Variants in KCNT1 observed in about 807,000 individuals in gnomAD.
The protein encoded by KCNT1 is potassium channel subfamily T member 1.
In KCNT1, 78 loss-of-function variants were observed where a neutral mutation model predicts 147.8. The ratio of observed to expected loss-of-function variants is 0.53; its 90% CI spans 0.44 to 0.64. The LOEUF (loss-of-function observed/expected upper bound fraction) is 0.64, where lower values mean the gene tolerates loss of function less well. Ranked by LOEUF, KCNT1 falls within the 30% of genes least tolerant of loss-of-function variation. The probability of loss-of-function intolerance (pLI) is 0.00; values close to 1 mark genes in which losing one functional copy is unlikely to be tolerated. For missense variants in KCNT1, 1,419 were observed against 1,750.3 expected, an observed-to-expected ratio of 0.81 and a Z score of 3.38; for synonymous variants, 867 against 748.8, an observed-to-expected ratio of 1.16 and a Z score of -2.58.
intron 9 of KCNT1, among the ~76,000 whole-genome samples, chr9:135,758,035 G>A (rs546417274): frequency 6.8e-6 from 1 of 148,074 alleles, no homozygotes; most frequent in South Asian, 2.3e-4. Context: ...AGCAGAGGGG[G>A]TGCCCTACCC....
At chr9:135,778,401 C>G in intron 21 of KCNT1, 23 bp from the exon 22 acceptor site, 1 of 1,549,224 alleles carries the variant, frequency 6.5e-7, no homozygotes, top group Non-Finnish European at 8.7e-7. Context: ...GGGTGGGCCC[C>G]TCCAGGACCG....
chr9:135,756,935 G>T lies in KCNT1; in HGVS notation c.600+3G>T. ...TTCTCATCTACCTCAGCTACAAAGT[G>T]AGTGCCTGCCCGGGATGGCACCTCA... is the stretch of plus-strand genomic sequence containing the variant. On this transcript the variant is annotated splice_donor_region_variant and intron_variant, in intron 7 of 30. Transcript: ENST00000371757. 6.2e-7 allele frequency: 1 copy of T among 1,612,312 alleles called. No homozygotes were observed.
At position 135,731,363 on chromosome 9, in the gene KCNT1, T is replaced by C. The variant is rs554293059; in HGVS notation, c.254+16643T>C. Among the ~76,000 whole-genome samples the C allele has an allele frequency of 2.0e-5, 3 of 152,336 alleles. No homozygotes were observed. The East Asian group carries it at 5.8e-4, about 29-fold the overall frequency. On this transcript the variant is annotated intron_variant, in intron 2 of 30. Transcript: ENST00000371757. Reference sequence around the variant, plus strand: ...ACCCACAATGTTACTAATTTTATCATTGTTTTTACTCCACCAAGGTTTAAA... The same window carrying C: ...ACCCACAATGTTACTAATTTTATCACTGTTTTTACTCCACCAAGGTTTAAA...
intron 2 of KCNT1, among the ~76,000 whole-genome samples, chr9:135,715,381 A>G (rs2131331130): frequency 6.6e-6 from 1 of 152,268 alleles, no homozygotes; most frequent in Non-Finnish European, 1.5e-5. Flanking sequence ...TTGGGTAAAC[A>G]CCCAGCACTT....
At chr9:135,727,058 T>C (rs1836205604) in intron 2 of KCNT1, among the ~76,000 whole-genome samples, 1 of 17,522 alleles carries the variant, frequency 5.7e-5, no homozygotes, top group South Asian at 2.9e-3. Context: ...TCTCCCTCTC[T>C]CCCTCTGTTT....
intron 2 of KCNT1, among the ~76,000 whole-genome samples, chr9:135,727,978 G>A (rs1384119876): frequency 5.3e-5 from 8 of 152,226 alleles, no homozygotes; most frequent in East Asian, 1.9e-4. Flanking sequence ...AAAAGAGGGC[G>A]GCAAAGAGGG....
Position 135,753,933 on chromosome 9 carries a change from A to G in KCNT1, c.435-4A>G. 6.2e-7 allele frequency: 1 copy of G among 1,614,034 alleles called. No homozygotes were observed. The highest frequency in any genetic ancestry group is 1.3e-5 in the African/African-American group (1 of 75,030). ...GGCCGGGCCAGCGCTGTGTCTCTCC[A>G]CAGCTGGGGCTGCCCAAAGCAGAAC... is the stretch of plus-strand genomic sequence containing the variant. On this transcript the variant is annotated splice_region_variant and splice_polypyrimidine_tract_variant and intron_variant, in intron 4 of 30. Transcript: ENST00000371757.
At chr9:135,758,582 G>A in intron 10 of KCNT1, 74 bp downstream of exon 10, 1 of 1,178,232 alleles carries the variant, frequency 8.5e-7, no homozygotes, top group Non-Finnish European at 1.3e-6. Context: ...CCGGGCGAGG[G>A]GATACAGATG....
chr9:135,745,288 G>T (rs573473494), intron 2 of KCNT1, among the ~76,000 whole-genome samples: 1 of 152,124 alleles, frequency 6.6e-6, no homozygotes, highest in East Asian at 1.9e-4. Context: ...GGGAGTTCTC[G>T]GTCATCTCCC....
At chr9:135,769,234 T>A (rs1564368597) in intron 15 of KCNT1, among the ~76,000 whole-genome samples, 1 of 122,584 alleles carries the variant, frequency 8.2e-6, no homozygotes, top group East Asian at 2.6e-4. Context: ...TGTGCACGTG[T>A]GTGTCGGTGT....
At chr9:135,731,435 TGTAGCCACCTCA>T (rs1254235854) in intron 2 of KCNT1, among the ~76,000 whole-genome samples, 1 of 152,242 alleles carries the variant, frequency 6.6e-6, no homozygotes, top group Non-Finnish European at 1.5e-5. Flanking sequence ...TCTAACGCTC[TGTAGCCACCTCA>T]GTGGGCTTCC....
chr9:135,723,287 G>C (rs1265527792), intron 2 of KCNT1, among the ~76,000 whole-genome samples: 1 of 152,234 alleles, frequency 6.6e-6, no homozygotes, highest in Non-Finnish European at 1.5e-5. Flanking sequence ...GGTCCCAAAA[G>C]CAAAAGCGTT....
At chr9:135,704,960 GGTGA>G (rs775667397) in intron 1 of KCNT1, among the ~76,000 whole-genome samples, 13 of 152,224 alleles carry the variant, frequency 8.5e-5, no homozygotes, top group Non-Finnish European at 1.6e-4. Flanking sequence ...GGAGGACAGA[GGTGA>G]GTGAGAAGGG....
chr9:135,708,227 C>T (rs1202872962), intron 1 of KCNT1, among the ~76,000 whole-genome samples: 1 of 152,214 alleles, frequency 6.6e-6, no homozygotes, highest in Non-Finnish European at 1.5e-5. Context: ...TGTGCATGCA[C>T]ACATATGTCC....
rs560544570 is a variant in KCNT1, at chr9:135,765,225, G to A, written c.1200+30G>A. The A allele has an allele frequency of 3.0e-5, 48 of 1,596,712 alleles. No individual in the cohort carries two copies. In the South Asian group the frequency reaches 3.9e-4, roughly 13 times the overall value. ...GGCCCCTTACCGTGGCCCAGCAGAC[G>A]ACTCCCTCCCGGCCCCTAGAGACGC... On this transcript the variant is annotated intron_variant, in intron 12 of 30. Coordinates refer to ENST00000371757, the MANE Select transcript of KCNT1 (RefSeq NM_020822.3).
chr9:135,742,780 TAGA>T (rs1187916948), intron 2 of KCNT1: 2 of 717,358 alleles, frequency 2.8e-6, no homozygotes, highest in Middle Eastern at 2.3e-4. Flanking sequence ...AGGCTTCCTG[TAGA>T]AGATTTCAGC....
chr9:135,764,039 C>A (rs989080992), intron 11 of KCNT1, among the ~76,000 whole-genome samples: 3 of 152,188 alleles, frequency 2.0e-5, no homozygotes, highest in African/African-American at 7.2e-5. Flanking sequence ...GGCAGTGGAG[C>A]CTCGTCACCG....
Position 135,772,799 on chromosome 9 carries a change from C to G in KCNT1, c.2093C>G (p.Pro698Arg). ...GGCGGGGGCAGCAAGCTGGCACTGCCCACGGAGAACGGCTCGGGCAGCCGG... is the reference window on the plus strand; with the variant it reads ...GGCGGGGGCAGCAAGCTGGCACTGCGCACGGAGAACGGCTCGGGCAGCCGG... ...GGGGGSKLAL[P>R]TENGSGSRRP... Residue 698 changes from proline (P) to arginine (R), a missense_variant, in exon 19 of 31, where the codon CCC becomes CGC. Physicochemically the swap from Pro to Arg is moderately radical, Grantham distance 103 (BLOSUM62 -2). This residue lies in a region of KCNT1 where 284 missense variants were observed against 292.8 expected (regional missense o/e 0.97). Coordinates refer to ENST00000371757, the MANE Select transcript of KCNT1 (RefSeq NM_020822.3). 1 of 1,512,118 alleles carries G rather than the reference C, an allele frequency of 6.6e-7. No homozygotes were observed. Among genetic ancestry groups the G allele is most frequent in the Non-Finnish European group, 8.9e-7 (1 of 1,127,570 alleles). The allele number at this position is 1,512,118 out of a possible 1,614,324, so 93.7% of individuals were successfully genotyped here. A position where few individuals can be genotyped will look rare whatever the true frequency, so the allele number is the denominator to read the frequency against.
At chr9:135,703,655 C>T (rs965417310) in intron 1 of KCNT1, among the ~76,000 whole-genome samples, 1 of 152,174 alleles carries the variant, frequency 6.6e-6, no homozygotes, top group African/African-American at 2.4e-5. Flanking sequence ...CCTGGATTGC[C>T]CTCATCTTTG....
Sources: allele counts gnomAD v4.1 joint callset (sites outside exome capture counted in the v4.1 genomes callset), GRCh38; gene constraint gnomAD v4.1.1; regional missense constraint gnomAD v4.1.1; transcripts MANE v1.5; gene names NCBI Gene and HGNC (gene_info 2026-07-23, HGNC 2026-07-21).